The following RBFOX1 variants were observed in gnomAD, a reference collection of about 807,000 sequenced individuals.
RBFOX1 encodes the protein RNA binding fox-1 homolog 1.
In RBFOX1, 8 loss-of-function variants were observed where a neutral mutation model predicts 57.7. The ratio of observed to expected loss-of-function variants is 0.14; its 90% CI spans 0.08 to 0.25. The LOEUF (loss-of-function observed/expected upper bound fraction) is 0.25, where lower values mean the gene tolerates loss of function less well. Among genes scored for constraint, RBFOX1 ranks in the 10% least tolerant of loss-of-function variants. The probability of loss-of-function intolerance (pLI) is 1.00; values close to 1 mark genes in which losing one functional copy is unlikely to be tolerated. For missense variants in RBFOX1, 611 were observed against 548.5 expected (o/e 1.11, Z -1.14); for synonymous variants, 326 against 222.4 (o/e 1.47, Z -4.15).
chr16:7,508,336 T>C (rs1370231555), intron 4 of RBFOX1, among the ~76,000 whole-genome samples: 1 of 152,188 alleles, frequency 6.6e-6, no homozygotes, highest in Non-Finnish European at 1.5e-5. Context: ...AGGACATTAA[T>C]GCTTTCACCA....
At chr16:7,308,664 G>A (rs539891303) in intron 4 of RBFOX1, among the ~76,000 whole-genome samples, 1 of 152,198 alleles carries the variant, frequency 6.6e-6, no homozygotes, top group Non-Finnish European at 1.5e-5. Flanking sequence ...GACATCTTCA[G>A]ATCGAAAGCA....
intron 3 of RBFOX1, among the ~76,000 whole-genome samples, chr16:5,633,456 G>T (rs187871951): frequency 2.0e-5 from 3 of 152,154 alleles, no homozygotes; most frequent in East Asian, 3.9e-4. Context: ...CTGGAGCAAC[G>T]ACTCTCTACC....
intron 4 of RBFOX1, among the ~76,000 whole-genome samples, chr16:5,985,592 A>C (rs912185393): frequency 2.6e-5 from 4 of 152,216 alleles, no homozygotes; most frequent in African/African-American, 9.6e-5. Context: ...GCTAGAAGCC[A>C]GGACTGCCCC....
chr16:6,673,518 G>A (rs2098780982), intron 3 of RBFOX1, among the ~76,000 whole-genome samples: 1 of 152,148 alleles, frequency 6.6e-6, no homozygotes, highest in South Asian at 2.1e-4. Context: ...AACCCAGGAG[G>A]TGGAGGTTGC....
intron 2 of RBFOX1, among the ~76,000 whole-genome samples, chr16:6,357,834 C>G (rs1195933306): frequency 1.3e-5 from 2 of 151,758 alleles, no homozygotes; most frequent in African/African-American, 2.4e-5. Flanking sequence ...GCCTGCAGTC[C>G]CAACTACTTG....
chr16:5,464,586 T>A (rs2068895538), intron 1 of RBFOX1, among the ~76,000 whole-genome samples: 1 of 151,776 alleles, frequency 6.6e-6, no homozygotes, highest in Non-Finnish European at 1.5e-5. Context: ...TTATGTGGAT[T>A]TTTTTGCAGC....
At chr16:6,986,687 C>G (rs141727132) in intron 3 of RBFOX1, among the ~76,000 whole-genome samples, 65 of 152,276 alleles carry the variant, frequency 4.3e-4, no homozygotes, top group African/African-American at 1.3e-3. Flanking sequence ...CCCCTTCTCT[C>G]TCTCCTTCTC....
At chr16:6,672,271 T>C (rs535497950) in intron 3 of RBFOX1, among the ~76,000 whole-genome samples, 1 of 152,050 alleles carries the variant, frequency 6.6e-6, no homozygotes, top group South Asian at 2.1e-4. Context: ...ATTGGAGAAA[T>C]ATACATCCAA....
intron 1 of RBFOX1, among the ~76,000 whole-genome samples, chr16:6,073,380 A>G (rs768653297): frequency 9.9e-5 from 15 of 152,216 alleles, no homozygotes; most frequent in Non-Finnish European, 2.1e-4. Flanking sequence ...CCCCAGAGAC[A>G]CTGTAGGTAC....
chr16:7,281,804 A>G (rs1603483120), intron 4 of RBFOX1, among the ~76,000 whole-genome samples: 1 of 151,984 alleles, frequency 6.6e-6, no homozygotes, highest in South Asian at 2.1e-4. Flanking sequence ...CTGCAGACCA[A>G]AATAATCTTT....
chr16:6,113,089 A>T (rs1454594232), intron 1 of RBFOX1, among the ~76,000 whole-genome samples: 2 of 152,160 alleles, frequency 1.3e-5, no homozygotes, highest in Non-Finnish European at 1.5e-5. Flanking sequence ...TCTGTGGATA[A>T]GCAGGCATGT....
chr16:7,013,505 C>T (rs1261198036), intron 3 of RBFOX1, among the ~76,000 whole-genome samples: 1 of 152,188 alleles, frequency 6.6e-6, no homozygotes, highest in Non-Finnish European at 1.5e-5. Flanking sequence ...TCCTGCATTA[C>T]ACAGGACAGT....
At chr16:5,536,103 C>CA (rs1466671730) in intron 2 of RBFOX1, among the ~76,000 whole-genome samples, 38 of 149,974 alleles carry the variant, frequency 2.5e-4, no homozygotes, top group African/African-American at 8.2e-4. Context: ...AAGCCCCCCC[C>CA]CCCTTTTTTT....
chr16:6,257,587 G>A (rs2097676202), intron 1 of RBFOX1, among the ~76,000 whole-genome samples: 1 of 151,972 alleles, frequency 6.6e-6, no homozygotes, highest in Non-Finnish European at 1.5e-5. Context: ...CCTCCACCCT[G>A]AAGTAGACAC....
At chr16:5,336,839 T>C (rs752254790) in intron 1 of RBFOX1, among the ~76,000 whole-genome samples, 46 of 152,324 alleles carry the variant, frequency 3.0e-4, no homozygotes, top group Non-Finnish European at 6.3e-4. Context: ...CTCATGGCTT[T>C]TTAAAAGACT....
At chr16:5,424,859 CTTCTTTCTTTCTTTTTTTTCT>C (rs2067469462) in intron 1 of RBFOX1, among the ~76,000 whole-genome samples, 1 of 143,120 alleles carries the variant, frequency 7.0e-6, no homozygotes, top group Non-Finnish European at 1.5e-5. Context: ...CTCTCTCTCT[CTTCTTTCTTTCTTTTTTTTCT>C]TTCTTTCTTT....
Position 6,868,411 on chromosome 16 carries a change from A to G in RBFOX1, c.-15-183646A>G, listed in dbSNP as rs1054072517. Among the ~76,000 whole-genome samples, 14 of 152,268 alleles carry G rather than the reference A, an allele frequency of 9.2e-5. No individual in the cohort carries two copies. In the East Asian group the frequency reaches 1.2e-3, roughly 13 times the overall value. The stretch of plus-strand genomic sequence containing the variant: ...AAGTTTTCTTTTGGGTTAGTGTTCA[A>G]ATTGGTAAAGTTGCCAGGGCGAGGT... On this transcript the variant is annotated intron_variant, in intron 3 of 15. Coordinates refer to ENST00000550418, the MANE Select transcript of RBFOX1 (RefSeq NM_018723.4).
chr16:5,519,647 C>T (rs569515260), intron 2 of RBFOX1, among the ~76,000 whole-genome samples: 275 of 152,206 alleles, frequency 1.8e-3, no homozygotes, highest in African/African-American at 6.4e-3. Flanking sequence ...ATTGCTTGAG[C>T]CCAGGAGGTC....
chr16:7,026,421 G>T (rs763072291), intron 3 of RBFOX1, among the ~76,000 whole-genome samples: 13 of 152,294 alleles, frequency 8.5e-5, no homozygotes, highest in East Asian at 1.9e-4. Flanking sequence ...GTTGAGGGCA[G>T]CACTTACATT....
Sources: gnomAD v4.1 joint callset for allele counts (sites outside exome capture counted in the v4.1 genomes callset) on GRCh38, gnomAD v4.1.1 for gene constraint, MANE v1.5 for transcripts, NCBI Gene and HGNC (gene_info 2026-07-23, HGNC 2026-07-21) for gene names.